Variants in SIGIRR observed in about 807,000 individuals in gnomAD.
SIGIRR encodes the protein single Ig IL-1-related receptor.
SIGIRR carries 41 observed loss-of-function variants against 45.6 expected under a neutral mutation model. That is an observed-to-expected ratio of 0.90 (90% CI 0.70 to 1.17). SIGIRR has a LOEUF of 1.17. Among genes scored for constraint, SIGIRR ranks in the 50% most tolerant of loss-of-function variants. The pLI, the probability that SIGIRR is intolerant of heterozygous loss-of-function variation, is 0.00. For synonymous variants in SIGIRR, 298 were observed against 239.0 expected (o/e 1.25, Z -2.28); for missense variants, 599 against 539.6 (o/e 1.11, Z -1.09).
intron 1 of SIGIRR, among the ~76,000 whole-genome samples, chr11:414,255 A>C (rs1480058186): frequency 5.0e-5 from 2 of 40,086 alleles, no homozygotes; most frequent in African/African-American, 1.1e-4. Context: ...TTCCCTGCAC[A>C]CCTTCCCCTG....
At chr11:415,187 C>T (rs1450712159), upstream of SIGIRR, among the ~76,000 whole-genome samples, 1 of 151,390 alleles carries the variant, frequency 6.6e-6, no homozygotes, top group Non-Finnish European at 1.5e-5. The surrounding 1 kb of genome is among the most constrained non-coding windows in gnomAD (Gnocchi z 6.6). Context: ...CACCCAGGCA[C>T]GGCACTTTCC....
At chr11:408,484 C>T (rs1847452942) in intron 3 of SIGIRR, among the ~76,000 whole-genome samples, 1 of 152,194 alleles carries the variant, frequency 6.6e-6, no homozygotes, top group African/African-American at 2.4e-5. Flanking sequence ...ACACCCGTAG[C>T]CCTGGGCAGT....
intron 2 of SIGIRR, chr11:409,108 G>A (rs934470993): frequency 3.4e-6 from 2 of 594,888 alleles, no homozygotes; most frequent in South Asian, 1.9e-5. Flanking sequence ...TGTGCTGAGG[G>A]GACAGAGAGC....
In SIGIRR at chr11:407,894, G is replaced by A. The variant is rs1847421541; in HGVS notation, c.404C>T (p.Ala135Val). 8 of 1,612,402 alleles carry A rather than the reference G, an allele frequency of 5.0e-6. No homozygotes were observed. Among genetic ancestry groups the A allele is most frequent in the Non-Finnish European group, 6.8e-6 (8 of 1,179,800 alleles). Residue 135 changes from alanine (A) to valine (V), a missense_variant, in exon 5 of 10, where the codon GCC becomes GTC. Coordinates refer to ENST00000431843, the MANE Select transcript of SIGIRR (RefSeq NM_001135054.2). ...SLLVLLALLL[A>V]ALLYVKCRLN... is the part of the protein sequence containing the mutation. ...ACGGCACTTGACATAGAGCAGGGCG[G>A]CCAGCAGCAGGGCCAGCAGGACCAG...
chr11:413,271 G>A (rs1847752993), intron 1 of SIGIRR, among the ~76,000 whole-genome samples: 1 of 152,066 alleles, frequency 6.6e-6, no homozygotes, highest in African/African-American at 2.4e-5. Flanking sequence ...TGACTGTTTG[G>A]CAGTTTCCTC....
intron 1 of SIGIRR, among the ~76,000 whole-genome samples, chr11:414,048 T>C (rs1590393521): frequency 3.0e-5 from 1 of 33,824 alleles, no homozygotes; most frequent in Admixed American, 3.3e-4. Flanking sequence ...CCCTGCACTC[T>C]CTCCTCTGCC....
Position 407,486 on chromosome 11 carries a change from C to T in SIGIRR, c.564G>A (p.Gln188=), listed in dbSNP as rs574101057. ...GCTTGTAGCCCCGACGCCGCTCCAGCTGCGGCTTTAGGATGAAGTTCACGA... is the reference window on the plus strand; with the variant it reads ...GCTTGTAGCCCCGACGCCGCTCCAGTTGCGGCTTTAGGATGAAGTTCACGA... ...RKFVNFILKP[Q]LERRRGYKLF... is the part of the protein sequence containing the mutation. Residue 188 remains glutamine (Q), a synonymous_variant, in exon 6 of 10, where the codon CAG becomes CAA. Coordinates refer to ENST00000431843, the MANE Select transcript of SIGIRR (RefSeq NM_001135054.2). 6.3e-7 allele frequency: 1 copy of T among 1,592,800 alleles called. No individual in the cohort carries two copies. Among genetic ancestry groups the T allele is most frequent in the African/African-American group, 1.3e-5 (1 of 74,390 alleles).
chr11:408,933 G>T lies in SIGIRR; in HGVS notation c.8-40C>A, dbSNP rs770532509. The T allele has an allele frequency of 1.1e-5, 18 of 1,586,272 alleles. No homozygotes were observed. In the South Asian group the frequency reaches 2.0e-4, roughly 18 times the overall value. On this transcript the variant is annotated intron_variant, in intron 2 of 9. Transcript: ENST00000431843. The stretch of plus-strand genomic sequence containing the variant: ...CACAGTGGGTCAGCTGTGCCAGGGT[G>T]CCTGGCCCCACCACCTCCACAGTGG...
chr11:407,333 T>C (rs1847378019), intron 6 of SIGIRR, 92 bp downstream of exon 6: 4 of 907,152 alleles, frequency 4.4e-6, no homozygotes, highest in Admixed American at 4.8e-5. Flanking sequence ...CGGAGCTCGA[T>C]GGTGGGGGTG....
chr11:407,114 CGA>C lies in SIGIRR; in HGVS notation c.674_675del (p.Ile225SerfsTer115). ...CTCAGGAAGGCGTCCGAAAGCACCA[CGA>C]TGAGGCGTCGGCAGCGGCTCAGGTT... is the stretch of plus-strand genomic sequence containing the variant. Reference protein sequence around the residue: ...LVNLSRCRRLIVVLSDAFLSR... With the variant: ...LVNLSRCRRLXVVLSDAFLSR... On this transcript the variant is annotated frameshift_variant, in exon 7 of 10. Transcript: ENST00000431843. LOFTEE classifies it high-confidence loss of function. 15 of 1,543,270 alleles carry C rather than the reference CGA, an allele frequency of 9.7e-6. No homozygotes were observed. The highest frequency in any genetic ancestry group is 5.7e-5 in the Admixed American group (3 of 52,904).
chr11:407,696 G>GC (rs1847408890), intron 5 of SIGIRR, 121 bp downstream of exon 5: 1 of 1,561,112 alleles, frequency 6.4e-7, no homozygotes, highest in African/African-American at 1.4e-5. Context: ...CCCCAGCCGG[G>GC]CCGCACAGAG....
chr11:414,053 T>C (rs1382984115), intron 1 of SIGIRR, among the ~76,000 whole-genome samples: 2 of 21,948 alleles, frequency 9.1e-5, no homozygotes, highest in Admixed American at 5.3e-4. Context: ...CACTCTCTCC[T>C]CTGCCTACCT....
chr11:407,368 G>GGATGA, intron 6 of SIGIRR, 57 bp downstream of exon 6: 1 of 1,449,280 alleles, frequency 6.9e-7, no homozygotes, highest in Non-Finnish European at 9.2e-7. Flanking sequence ...ACGGAGCATG[G>GGATGA]GGCGGGGCGG....
At chr11:411,715 T>C (rs1382779115) in intron 1 of SIGIRR, among the ~76,000 whole-genome samples, 1 of 4,568 alleles carries the variant, frequency 2.2e-4, no homozygotes, top group Non-Finnish European at 4.4e-4. Flanking sequence ...ATACAGTCGG[T>C]GGGGGGGGGG....
chr11:411,721 G>T (rs1364265744), intron 1 of SIGIRR, among the ~76,000 whole-genome samples: 21 of 93,442 alleles, frequency 2.2e-4, no homozygotes, highest in African/African-American at 7.2e-4. Context: ...TCGGTGGGGG[G>T]GGGGGGTGCC....
At position 406,073 on chromosome 11, in the gene SIGIRR, A is replaced by G. The variant is rs1177794013; in HGVS notation, c.1070-14T>C. 6.4e-7 allele frequency: 1 copy of G among 1,559,012 alleles called. No homozygotes were observed. The highest frequency in any genetic ancestry group is 1.9e-5 in the Admixed American group (1 of 52,190). Reference sequence around the variant, plus strand: ...GCCCCCGGACACCTGGGGTGGGGAGACCGAGACGCCTGAGGTGGCCACCCA... The same window carrying G: ...GCCCCCGGACACCTGGGGTGGGGAGGCCGAGACGCCTGAGGTGGCCACCCA... On this transcript the variant is annotated splice_polypyrimidine_tract_variant and intron_variant, in intron 9 of 9. Transcript: ENST00000431843.
rs1335889195 is a variant in SIGIRR at position 414,825 on chromosome 11, G to A, written c.-156C>T. The A allele has an allele frequency of 2.0e-6, 2 of 985,456 alleles. No individual in the cohort carries two copies. Among genetic ancestry groups the A allele is most frequent in the Non-Finnish European group, 2.4e-6 (2 of 830,054 alleles). 61.0% of individuals were successfully genotyped at this position (985,456 alleles called of 1,614,324 possible). On this transcript the variant is annotated splice_region_variant and 5_prime_UTR_variant, in exon 1 of 10. Coordinates refer to ENST00000431843, the MANE Select transcript of SIGIRR (RefSeq NM_001135054.2). ...AGAGCAGCGGGGAAGGCAGTCACCT[G>A]GTTCCAGTTCTTTCCTCCGGGGGGC...
chr11:408,121 A>T lies in SIGIRR; in HGVS notation c.292T>A (p.Cys98Ser). ...TSTEVYGAFT[C>S]SIQNISFSSF... ...GAGAAGCTGATGTTCTGGATGGAGC[A>T]GGTGAAGGCCCCATAGACTTCAGTG... The change falls in exon 4 of 10, where the codon TGC becomes AGC. Residue 98 changes from cysteine to serine, a missense_variant. Transcript: ENST00000431843. The T allele has an allele frequency of 6.2e-7, 1 of 1,612,816 alleles. No homozygotes were observed. Among genetic ancestry groups the T allele is most frequent in the Non-Finnish European group, 8.5e-7 (1 of 1,179,970 alleles).
Position 405,929 on chromosome 11 carries a change from G to C in SIGIRR, c.1200C>G (p.Asp400Glu). ...CATCCTTGGACACCAGGCAGTAGAA[G>C]TCTGTGCGGGCACTGTAGTTTCGCG... ...LGSRNYSART[D>E]FYCLVSKDDM The change falls in exon 10 of 10, where the codon GAC (aspartate) becomes GAG (glutamate). Residue 400 changes from aspartate (D) to glutamate (E), a missense_variant. Physicochemically the swap from Asp to Glu is conservative, Grantham distance 45. Coordinates refer to ENST00000431843, the MANE Select transcript of SIGIRR (RefSeq NM_001135054.2). 3.7e-6 allele frequency: 6 copies of C among 1,609,242 alleles called. No homozygotes were observed. Among genetic ancestry groups the C allele is most frequent in the Non-Finnish European group, 5.1e-6 (6 of 1,177,404 alleles).
Sources: allele counts gnomAD v4.1 joint callset (sites outside exome capture counted in the v4.1 genomes callset), GRCh38; gene constraint gnomAD v4.1.1; non-coding constraint Gnocchi (gnomAD v3.1); transcripts MANE v1.5; gene names NCBI Gene and HGNC (gene_info 2026-07-23, HGNC 2026-07-21).